Variants in TYW1B observed in about 807,000 individuals in gnomAD.
The protein encoded by TYW1B is S-adenosyl-L-methionine-dependent tRNA 4-demethylwyosine synthase TYW1B.
In TYW1B, 73 loss-of-function variants were observed where a neutral mutation model predicts 86.9. That is an observed-to-expected ratio of 0.84 (90% confidence interval 0.70 to 1.02). The LOEUF is 1.02. Ranked by LOEUF, TYW1B falls within the 50% of genes least tolerant of loss-of-function variation. The pLI is 0.00. For missense variants in TYW1B, 637 were observed against 827.4 expected, an observed-to-expected ratio of 0.77 and a Z score of 2.82; for synonymous variants, 248 against 292.8, an observed-to-expected ratio of 0.85 and a Z score of 1.56.
At chr7:72,591,871 G>A (rs1357928791) in intron 13 of TYW1B, among the ~76,000 whole-genome samples, 1 of 151,866 alleles carries the variant, frequency 6.6e-6, no homozygotes, top group African/African-American at 2.4e-5. Flanking sequence ...CCAGACTAGA[G>A]TGTGTGTAGT....
At chr7:72,585,220 G>T (rs1370333771) in intron 13 of TYW1B, among the ~76,000 whole-genome samples, 2 of 152,284 alleles carry the variant, frequency 1.3e-5, no homozygotes, top group East Asian at 3.9e-4. Context: ...CTCAAACCAG[G>T]TTCTGCTAAA....
At chr7:72,693,660 G>A (rs1341802148) in intron 11 of TYW1B, among the ~76,000 whole-genome samples, 1 of 151,872 alleles carries the variant, frequency 6.6e-6, no homozygotes, top group Non-Finnish European at 1.5e-5. Context: ...CTCTCAAAGT[G>A]CTGGGATTAC....
intron 5 of TYW1B, among the ~76,000 whole-genome samples, chr7:72,805,613 C>CAAA (rs71517372): frequency 7.1e-5 from 9 of 126,034 alleles, no homozygotes; most frequent in African/African-American, 1.7e-4. Context: ...GACCCTTTCT[C>CAAA]AAAAAAAAAA....
intron 8 of TYW1B, 52 bp from the exon 9 acceptor site, chr7:72,728,983 C>A: frequency 1.3e-6 from 2 of 1,531,958 alleles, no homozygotes; most frequent in Non-Finnish European, 1.8e-6. Context: ...AAGATCTGGG[C>A]TAGTCATTTA....
intron 11 of TYW1B, among the ~76,000 whole-genome samples, chr7:72,694,166 T>C (rs1461559356): frequency 6.6e-6 from 1 of 152,132 alleles, no homozygotes; most frequent in Non-Finnish European, 1.5e-5. Context: ...TCTGACCATG[T>C]TGGCCAGGCT....
chr7:72,678,837 G>T (rs558655584), intron 11 of TYW1B, among the ~76,000 whole-genome samples: 1 of 151,958 alleles, frequency 6.6e-6, no homozygotes, highest in East Asian at 1.9e-4. Flanking sequence ...CAACGTGCCC[G>T]GACAATCCCA....
chr7:72,591,926 G>A (rs34046037), intron 13 of TYW1B, among the ~76,000 whole-genome samples: 2 of 151,754 alleles, frequency 1.3e-5, no homozygotes. Context: ...CAGGTTCAAG[G>A]AATTCTCGTG....
intron 6 of TYW1B, among the ~76,000 whole-genome samples, chr7:72,785,730 G>A (rs764673705): frequency 3.9e-5 from 6 of 152,186 alleles, no homozygotes; most frequent in East Asian, 1.9e-4. Context: ...TACTTCCCTC[G>A]ACAGTAACAA....
chr7:72,783,154 T>C (rs1409886252), intron 6 of TYW1B, among the ~76,000 whole-genome samples: 3 of 151,888 alleles, frequency 2.0e-5, no homozygotes, highest in African/African-American at 7.3e-5. Context: ...ATCCCAGCAC[T>C]TTGGGAGGCT....
chr7:72,685,639 A>C (rs1392574535), intron 11 of TYW1B, among the ~76,000 whole-genome samples: 4 of 152,174 alleles, frequency 2.6e-5, no homozygotes, highest in Non-Finnish European at 4.4e-5. Context: ...AACACCTTAT[A>C]TCTCTCCCAA....
At chr7:72,691,033 G>A (rs1285061735) in intron 11 of TYW1B, among the ~76,000 whole-genome samples, 2 of 152,194 alleles carry the variant, frequency 1.3e-5, no homozygotes, top group Admixed American at 6.5e-5. Flanking sequence ...GAATACCGGC[G>A]TGAGCCACTG....
At chr7:72,672,586 C>T (rs1813635975) in intron 11 of TYW1B, among the ~76,000 whole-genome samples, 1 of 151,740 alleles carries the variant, frequency 6.6e-6, no homozygotes, top group South Asian at 2.1e-4. Flanking sequence ...ATTCAACCAA[C>T]TGCAAATAGA....
At chr7:72,677,734 G>C (rs1263097300) in intron 11 of TYW1B, among the ~76,000 whole-genome samples, 1 of 151,894 alleles carries the variant, frequency 6.6e-6, no homozygotes, top group African/African-American at 2.4e-5. Context: ...ATGAAGTCTT[G>C]CTCTATCACC....
intron 13 of TYW1B, among the ~76,000 whole-genome samples, chr7:72,582,438 A>T (rs1811177091): frequency 6.6e-6 from 1 of 152,328 alleles, no homozygotes; most frequent in South Asian, 2.1e-4. Flanking sequence ...TCAAAGGGGG[A>T]ATAGTTTCCA....
chr7:72,786,370 T>G (rs1554472454), intron 6 of TYW1B, among the ~76,000 whole-genome samples: 1 of 152,048 alleles, frequency 6.6e-6, no homozygotes, highest in Non-Finnish European at 1.5e-5. Context: ...AGCTGAAATA[T>G]CATAAACCAG....
intron 3 of TYW1B, 26 bp downstream of exon 3, chr7:72,815,354 G>C (rs782331689): frequency 1.9e-6 from 3 of 1,556,348 alleles, no homozygotes; most frequent in Non-Finnish European, 2.6e-6. Flanking sequence ...TGAGAGTTTT[G>C]ATTGAAGAAA....
chr7:72,697,229 C>T (rs1286609237), intron 10 of TYW1B, among the ~76,000 whole-genome samples: 2 of 152,020 alleles, frequency 1.3e-5, no homozygotes, highest in Non-Finnish European at 2.9e-5. Context: ...TTTTACAAAC[C>T]TCTATCATTT....
chr7:72,612,226 G>A (rs1182458495), intron 13 of TYW1B, among the ~76,000 whole-genome samples: 2 of 152,062 alleles, frequency 1.3e-5, no homozygotes, highest in African/African-American at 4.8e-5. Context: ...AGAGAGAGAG[G>A]AACAGGGAGT....
At chr7:72,799,717 G>A (rs1370247380) in intron 6 of TYW1B, among the ~76,000 whole-genome samples, 2 of 151,944 alleles carry the variant, frequency 1.3e-5, no homozygotes, top group African/African-American at 4.8e-5. Flanking sequence ...TGCCTGCCTC[G>A]ACCTCCCAAA....
Sources: allele counts gnomAD v4.1 joint callset (sites outside exome capture counted in the v4.1 genomes callset), GRCh38; gene constraint gnomAD v4.1.1; transcripts MANE v1.5; gene names NCBI Gene and HGNC (gene_info 2026-07-23, HGNC 2026-07-21).